The following ASAP1 variants were observed in gnomAD, a reference collection of about 807,000 sequenced individuals.
The protein encoded by ASAP1 is arf-GAP with SH3 domain, ANK repeat and PH domain-containing protein 1.
Under a neutral mutation model 145.2 loss-of-function variants are expected in ASAP1, and 43 were observed. The observed-to-expected ratio is 0.30, with a 90% CI of 0.23 to 0.38. ASAP1 has a LOEUF of 0.38. ASAP1 is among the 10% of genes least tolerant of loss of function. The probability of loss-of-function intolerance (pLI) is 1.00; values close to 1 mark genes in which losing one functional copy is unlikely to be tolerated. For synonymous variants in ASAP1, 546 were observed against 515.5 expected (o/e 1.06, Z -0.80); for missense variants, 1,018 against 1,355.3 (o/e 0.75, Z 3.91).
chr8:130,224,131 G>T (rs1479552018), intron 4 of ASAP1, among the ~76,000 whole-genome samples: 2 of 152,110 alleles, frequency 1.3e-5, no homozygotes, highest in African/African-American at 4.8e-5. Context: ...GGCACATAGT[G>T]AATGCTCAGT....
At chr8:130,259,862 T>C (rs1363390927) in intron 3 of ASAP1, among the ~76,000 whole-genome samples, 1 of 152,198 alleles carries the variant, frequency 6.6e-6, no homozygotes, top group Non-Finnish European at 1.5e-5. Flanking sequence ...TTGTGGATAA[T>C]GCTCATGAGG....
At chr8:130,211,961 T>A (rs1004897000) in intron 5 of ASAP1, among the ~76,000 whole-genome samples, 1 of 152,162 alleles carries the variant, frequency 6.6e-6, no homozygotes, top group Non-Finnish European at 1.5e-5. Flanking sequence ...AGGAGGGTGT[T>A]GAGTGCTGCT....
chr8:130,314,101 AG>A (rs796206009), intron 3 of ASAP1, among the ~76,000 whole-genome samples: 2 of 152,336 alleles, frequency 1.3e-5, no homozygotes, highest in African/African-American at 4.8e-5. Flanking sequence ...CAATTTGGTC[AG>A]AAAAGGCCAT....
At chr8:130,399,524 C>A (rs1828680217) in intron 2 of ASAP1, among the ~76,000 whole-genome samples, 2 of 152,228 alleles carry the variant, frequency 1.3e-5, no homozygotes, top group Admixed American at 6.5e-5. Flanking sequence ...AGTAAAGCTT[C>A]ATTTACCCTG....
chr8:130,229,879 A>C (rs1487869508), intron 4 of ASAP1, among the ~76,000 whole-genome samples: 2 of 152,078 alleles, frequency 1.3e-5, no homozygotes, highest in Non-Finnish European at 2.9e-5. Context: ...CATCTCTACC[A>C]AACACCACCT....
intron 14 of ASAP1, among the ~76,000 whole-genome samples, chr8:130,136,663 G>A (rs1272991268): frequency 6.6e-6 from 1 of 151,876 alleles, no homozygotes; most frequent in East Asian, 1.9e-4. Flanking sequence ...CTCTCCAAGG[G>A]GATAAAGCTG....
At chr8:130,139,059 G>C (rs2097602789) in intron 13 of ASAP1, among the ~76,000 whole-genome samples, 1 of 152,116 alleles carries the variant, frequency 6.6e-6, no homozygotes, top group South Asian at 2.1e-4. Flanking sequence ...TTAATGGTGA[G>C]AACAACTCTT....
intron 3 of ASAP1, among the ~76,000 whole-genome samples, chr8:130,324,279 T>C (rs547700671): frequency 6.7e-6 from 1 of 149,996 alleles, no homozygotes; most frequent in African/African-American, 2.4e-5. Flanking sequence ...CTCACTTCTC[T>C]TTTAACAAAA....
chr8:130,283,616 A>AAG (rs1821406883), intron 3 of ASAP1, among the ~76,000 whole-genome samples: 1 of 148,450 alleles, frequency 6.7e-6, no homozygotes, highest in Non-Finnish European at 1.5e-5. Flanking sequence ...AAAAAAAAAG[A>AAG]AGGCAGGATG....
At chr8:130,220,537 A>T (rs1215272798) in intron 4 of ASAP1, among the ~76,000 whole-genome samples, 1 of 152,170 alleles carries the variant, frequency 6.6e-6, no homozygotes, top group Non-Finnish European at 1.5e-5. Context: ...GCTTAAAGCA[A>T]TTAAGAAACA....
chr8:130,277,896 G>C (rs1416360635), intron 3 of ASAP1, among the ~76,000 whole-genome samples: 1 of 152,186 alleles, frequency 6.6e-6, no homozygotes, highest in African/African-American at 2.4e-5. Flanking sequence ...AGTTCACAGA[G>C]ATGTAGAGAG....
intron 2 of ASAP1, chr8:130,361,804 C>T (rs753701439): frequency 9.3e-5 from 134 of 1,439,716 alleles, no homozygotes; most frequent in Non-Finnish European, 1.2e-4. Context: ...ATGGGCAAAA[C>T]GTAAATGCTG....
chr8:130,204,399 T>C (rs2136336140), intron 5 of ASAP1, among the ~76,000 whole-genome samples: 1 of 152,280 alleles, frequency 6.6e-6, no homozygotes, highest in Admixed American at 6.5e-5. Flanking sequence ...GAATCTGAGA[T>C]CTACTTAATG....
chr8:130,159,830 A>G, intron 12 of ASAP1, 34 bp downstream of exon 12: 1 of 1,532,274 alleles, frequency 6.5e-7, no homozygotes, highest in Non-Finnish European at 9.0e-7. Flanking sequence ...TAGGTTAATC[A>G]CACACTGAGA....
intron 3 of ASAP1, among the ~76,000 whole-genome samples, chr8:130,287,811 G>T (rs531857291): frequency 2.0e-5 from 3 of 152,264 alleles, no homozygotes; most frequent in South Asian, 4.1e-4. Context: ...CTGTGTTTGG[G>T]TTTTGTCACC....
chr8:130,358,822 G>T lies in ASAP1; in HGVS notation c.60-679C>A, dbSNP rs1367038000. On this transcript the variant is annotated intron_variant, in intron 2 of 29. Transcript: ENST00000518721. This position sits in a 1 kb window ranked among gnomAD's most constrained non-coding sequence, Gnocchi z 4.1. ...CTGCCGCTCCCGACCCCGGCTGCGC[G>T]GCACGGGGGCTCCGGAAGCCCGAGT... Among the ~76,000 whole-genome samples, 2 of 151,204 alleles carry T rather than the reference G, an allele frequency of 1.3e-5. No individual in the cohort carries two copies. The highest frequency in any genetic ancestry group is 3.0e-5 in the Non-Finnish European group (2 of 67,732).
chr8:130,442,796 GAC>G (rs1488683532), intron 1 of ASAP1, among the ~76,000 whole-genome samples: 1 of 152,066 alleles, frequency 6.6e-6, no homozygotes, highest in Non-Finnish European at 1.5e-5. Flanking sequence ...CAGAAAACCG[GAC>G]ACCGGCAAGT....
intron 3 of ASAP1, among the ~76,000 whole-genome samples, chr8:130,326,050 T>C (rs1355523452): frequency 6.6e-6 from 1 of 152,212 alleles, no homozygotes; most frequent in Admixed American, 6.5e-5. Context: ...CTTAGGAACC[T>C]AGGTCTTTTT....
intron 13 of ASAP1, among the ~76,000 whole-genome samples, chr8:130,146,166 T>C (rs1383091212): frequency 6.6e-6 from 1 of 152,060 alleles, no homozygotes; most frequent in Non-Finnish European, 1.5e-5. Context: ...AACTCTATTA[T>C]TTCTTATATT....
Sources: allele counts gnomAD v4.1 joint callset (sites outside exome capture counted in the v4.1 genomes callset), GRCh38; gene constraint gnomAD v4.1.1; non-coding constraint Gnocchi (gnomAD v3.1); transcripts MANE v1.5; gene names NCBI Gene and HGNC (gene_info 2026-07-23, HGNC 2026-07-21).